The following PAK2 variants were observed in gnomAD, a reference collection of about 807,000 sequenced individuals.
PAK2 encodes p21 (RAC1) activated kinase 2.
Under a neutral mutation model 65.9 loss-of-function variants are expected in PAK2, and 21 were observed. The ratio of observed to expected loss-of-function variants is 0.32; its 90% CI spans 0.23 to 0.46. The LOEUF is 0.46. Among genes scored for constraint, PAK2 ranks in the 20% least tolerant of loss-of-function variants. PAK2 has a pLI of 1.00. For missense variants in PAK2, 324 were observed against 642.6 expected (o/e 0.50, Z 5.36); for synonymous variants, 204 against 219.7 (o/e 0.93, Z 0.63).
At chr3:196,750,461 G>A (rs1281849679) in intron 1 of PAK2, among the ~76,000 whole-genome samples, 1 of 152,074 alleles carries the variant, frequency 6.6e-6, no homozygotes, top group East Asian at 1.9e-4. Flanking sequence ...TGGTACGTGT[G>A]TAAATTCTAC....
chr3:196,776,110 G>A (rs577859039), intron 1 of PAK2, among the ~76,000 whole-genome samples: 24 of 152,254 alleles, frequency 1.6e-4, no homozygotes, highest in African/African-American at 5.5e-4. Context: ...ACCTTTTTCC[G>A]AATATTCTTA....
intron 1 of PAK2, among the ~76,000 whole-genome samples, chr3:196,745,568 CT>C (rs1432279755): frequency 6.6e-6 from 1 of 152,060 alleles, no homozygotes; most frequent in African/African-American, 2.4e-5. Context: ...AATCCCAGCA[CT>C]TTGGGAGGCC....
intron 1 of PAK2, among the ~76,000 whole-genome samples, chr3:196,742,099 CTT>C (rs60738699): frequency 5.4e-5 from 7 of 129,010 alleles, no homozygotes; most frequent in Non-Finnish European, 3.2e-5. Flanking sequence ...ATTAATATTT[CTT>C]TTTTTTTTTT....
chr3:196,752,208 GT>G (rs1438047820), intron 1 of PAK2, among the ~76,000 whole-genome samples: 6 of 152,114 alleles, frequency 3.9e-5, no homozygotes, highest in Non-Finnish European at 8.8e-5. Context: ...TTAAGGGTGA[GT>G]AATACTCCAT....
At chr3:196,811,191 ATTCC>A (rs1315334855) in intron 8 of PAK2, among the ~76,000 whole-genome samples, 2 of 80,068 alleles carry the variant, frequency 2.5e-5, no homozygotes, top group Admixed American at 1.5e-4. Flanking sequence ...TTCCATATGA[ATTCC>A]TTCCTCCCTT....
rs771147021 is a variant in PAK2, at chr3:196,812,870, T to A, written c.935+19T>A. On this transcript the variant is annotated intron_variant, in intron 10 of 14. Transcript: ENST00000327134. The stretch of plus-strand genomic sequence containing the variant: ...TGGACAGGTAAGTATGACTATTCCT[T>A]AAACACCGGGAGAAAATGTAGAAAT... 19 of 1,025,202 alleles carry A rather than the reference T, an allele frequency of 1.9e-5. No individual in the cohort carries two copies. Among genetic ancestry groups the A allele is most frequent in the Non-Finnish European group, 2.7e-5 (18 of 655,214 alleles). The allele number at this position is 1,025,202 out of a possible 1,614,324, so 63.5% of individuals were successfully genotyped here.
At chr3:196,802,845 CAAAAAAA>C (rs1378007607) in intron 3 of PAK2, among the ~76,000 whole-genome samples, 165 bp from the exon 4 acceptor site, 36 of 149,250 alleles carry the variant, frequency 2.4e-4, no homozygotes, top group Non-Finnish European at 1.5e-5. Flanking sequence ...GACTCTGTCT[CAAAAAAA>C]GAAAAAAGAA....
At chr3:196,776,660 A>G (rs1714547930) in intron 1 of PAK2, among the ~76,000 whole-genome samples, 1 of 152,230 alleles carries the variant, frequency 6.6e-6, no homozygotes, top group Non-Finnish European at 1.5e-5. Context: ...TTTTTACTGC[A>G]TAACGAGATG....
At chr3:196,749,680 A>G (rs927730950) in intron 1 of PAK2, among the ~76,000 whole-genome samples, 7 of 152,168 alleles carry the variant, frequency 4.6e-5, no homozygotes, top group Admixed American at 4.6e-4. Context: ...AAACTGTTCA[A>G]CTTTCTTCCA....
chr3:196,796,533 A>G (rs1715265651), intron 2 of PAK2, among the ~76,000 whole-genome samples: 1 of 152,216 alleles, frequency 6.6e-6, no homozygotes, highest in African/African-American at 2.4e-5. Flanking sequence ...ACAACTCTAA[A>G]TATACTAAAA....
intron 5 of PAK2, among the ~76,000 whole-genome samples, chr3:196,806,058 C>T (rs993581377): frequency 6.6e-6 from 1 of 151,854 alleles, no homozygotes; most frequent in Non-Finnish European, 1.5e-5. Context: ...ACTACAGGCG[C>T]CTGCCACCAC....
intron 13 of PAK2, among the ~76,000 whole-genome samples, chr3:196,825,240 G>A (rs999172634): frequency 1.2e-4 from 7 of 60,356 alleles, no homozygotes; most frequent in Non-Finnish European, 2.4e-4. Flanking sequence ...CAGCTACTCG[G>A]GAGGCTGAGC....
At chr3:196,775,532 A>G (rs1001424714) in intron 1 of PAK2, among the ~76,000 whole-genome samples, 10 of 152,064 alleles carry the variant, frequency 6.6e-5, no homozygotes, top group East Asian at 1.9e-4. Flanking sequence ...ACAGGCGCCC[A>G]CCACCACAAC....
Position 196,814,466 on chromosome 3 carries a change from T to C in PAK2, c.951T>C (p.Asp317=), listed in dbSNP as rs139118165. 1.4e-6 allele frequency: 2 copies of C among 1,392,936 alleles called. No homozygotes were observed. The highest frequency in any genetic ancestry group is 1.0e-6 in the Non-Finnish European group (1 of 991,736). The allele number at this position is 1,392,936 out of a possible 1,614,324, so 86.3% of individuals were successfully genotyped here. A position where few individuals can be genotyped will look rare whatever the true frequency, so the allele number is the denominator to read the frequency against. The change falls in exon 11 of 15, where the codon GAT becomes GAC. Residue 317 remains aspartate (D), a synonymous_variant. Coordinates refer to ENST00000327134, the MANE Select transcript of PAK2 (RefSeq NM_002577.4). ...VNFLDSYLVG[D]ELFVVMEYLA... ...GTATTTTTAGTTACCTGGTAGGAGA[T>C]GAATTGTTTGTGGTCATGGAATACC...
intron 1 of PAK2, among the ~76,000 whole-genome samples, chr3:196,778,139 T>C (rs1714594591): frequency 6.6e-6 from 1 of 152,218 alleles, no homozygotes; most frequent in Admixed American, 6.5e-5. Context: ...GGACATTTCA[T>C]ATGAAACGGA....
In PAK2 at chr3:196,740,145, T is replaced by G. The variant is rs1713137329; in HGVS notation, c.-34T>G. 1 of 151,832 alleles carries G rather than the reference T, an allele frequency of 6.6e-6. No individual in the cohort carries two copies. Among genetic ancestry groups the G allele is most frequent in the Non-Finnish European group, 1.5e-5 (1 of 67,978 alleles). The allele number at this position is 151,832 out of a possible 1,614,324, so 9.4% of individuals were successfully genotyped here. On this transcript the variant is annotated 5_prime_UTR_variant, in exon 1 of 15. Transcript: ENST00000327134. ...AGGCGCCTCGCTGGGGCGGGGACCT[T>G]GCCTTGCCCGGGGTAAGTGCACACA...
intron 1 of PAK2, among the ~76,000 whole-genome samples, chr3:196,760,422 T>G (rs2108719075): frequency 6.6e-6 from 1 of 152,266 alleles, no homozygotes; most frequent in East Asian, 1.9e-4. Context: ...AGCTAATTTC[T>G]GTATTTTTAG....
intron 2 of PAK2, among the ~76,000 whole-genome samples, chr3:196,799,689 G>C (rs1560108496): frequency 6.6e-6 from 1 of 152,182 alleles, no homozygotes; most frequent in Admixed American, 6.6e-5. Flanking sequence ...GTCTCACGCT[G>C]TGACTCAGGC....
intron 1 of PAK2, among the ~76,000 whole-genome samples, chr3:196,776,726 A>G (rs187294842): frequency 2.7e-4 from 41 of 152,350 alleles, no homozygotes; most frequent in African/African-American, 9.9e-4. Context: ...CCAAAAACCA[A>G]TTCATGACAT....
Sources: allele counts gnomAD v4.1 joint callset (sites outside exome capture counted in the v4.1 genomes callset), GRCh38; gene constraint gnomAD v4.1.1; transcripts MANE v1.5; gene names NCBI Gene and HGNC (gene_info 2026-07-23, HGNC 2026-07-21).